CDH22: variants seen among roughly 807,000 people sequenced by gnomAD.
CDH22 encodes cadherin 22.
In CDH22, 30 loss-of-function variants were observed where a neutral mutation model predicts 58.4. The observed-to-expected ratio is 0.51, with a 90% CI of 0.38 to 0.70. The LOEUF is 0.70. CDH22 is among the 30% of genes least tolerant of loss of function. The pLI, the probability that CDH22 is intolerant of heterozygous loss-of-function variation, is 0.00. For missense variants in CDH22, 1,014 were observed against 1,233.9 expected, an observed-to-expected ratio of 0.82 and a Z score of 2.67; for synonymous variants, 513 against 558.2, an observed-to-expected ratio of 0.92 and a Z score of 1.14.
intron 11 of CDH22, among the ~76,000 whole-genome samples, chr20:46,177,323 G>A (rs1469042511): frequency 6.6e-6 from 1 of 152,214 alleles, no homozygotes; most frequent in Non-Finnish European, 1.5e-5. Flanking sequence ...GTTAGCTTCT[G>A]AAACTTGACC....
intron 1 of CDH22, among the ~76,000 whole-genome samples, chr20:46,257,706 G>A (rs1348072540): frequency 1.3e-5 from 2 of 152,198 alleles, no homozygotes; most frequent in African/African-American, 4.8e-5. Context: ...CTGTACCTAT[G>A]GCTAGGAGTT....
chr20:46,206,355 G>C (rs1057505327), intron 7 of CDH22, among the ~76,000 whole-genome samples: 25 of 152,188 alleles, frequency 1.6e-4, no homozygotes, highest in African/African-American at 6.0e-4. Flanking sequence ...AATACCCTCT[G>C]AAGGGTAAAT....
intron 10 of CDH22, among the ~76,000 whole-genome samples, chr20:46,178,865 G>A (rs757178925): frequency 6.6e-6 from 1 of 152,204 alleles, no homozygotes; most frequent in East Asian, 1.9e-4. Flanking sequence ...AGCCTAGAGG[G>A]CTGGGGGCGT....
chr20:46,287,667 G>T (rs187734370), intron 1 of CDH22, among the ~76,000 whole-genome samples: 1 of 151,872 alleles, frequency 6.6e-6, no homozygotes, highest in African/African-American at 2.4e-5. Context: ...GCAGGATCTC[G>T]TGGGCCTTGT....
At chr20:46,205,809 T>G (rs1227384982) in intron 7 of CDH22, among the ~76,000 whole-genome samples, 1 of 152,182 alleles carries the variant, frequency 6.6e-6, no homozygotes, top group Non-Finnish European at 1.5e-5. Context: ...CCCTTGTCCC[T>G]TGTCGTGAGC....
At chr20:46,206,539 G>T (rs568063659) in intron 7 of CDH22, among the ~76,000 whole-genome samples, 4 of 152,254 alleles carry the variant, frequency 2.6e-5, no homozygotes, top group African/African-American at 9.6e-5. Context: ...CGCCAAGCTT[G>T]TTCCTGCCTC....
At chr20:46,217,035 C>T in intron 4 of CDH22, 42 bp from the exon 5 acceptor site, 1 of 1,559,168 alleles carries the variant, frequency 6.4e-7, no homozygotes, top group South Asian at 1.1e-5. Context: ...CCCACACCAC[C>T]TGCCCACTGA....
At chr20:46,246,464 G>T (rs1321249184) in intron 2 of CDH22, among the ~76,000 whole-genome samples, 3 of 152,160 alleles carry the variant, frequency 2.0e-5, no homozygotes, top group African/African-American at 7.2e-5. Context: ...TCCACATCCA[G>T]CTGACAGAGG....
chr20:46,232,789 C>T (rs2086228696), intron 3 of CDH22, among the ~76,000 whole-genome samples: 1 of 152,198 alleles, frequency 6.6e-6, no homozygotes, highest in Admixed American at 6.5e-5. Context: ...CCTCTTCGAT[C>T]ATCACTTAGA....
chr20:46,305,367 C>T (rs1002486225), intron 1 of CDH22, among the ~76,000 whole-genome samples: 3 of 152,190 alleles, frequency 2.0e-5, no homozygotes, highest in Admixed American at 6.5e-5. Context: ...TTGAGGAACC[C>T]GGGGTGGAGG....
Position 46,226,267 on chromosome 20 carries a change from TCTTCTTCTTCTTCTTCTTC to T in CDH22, c.670+1222_670+1240del, listed in dbSNP as rs1251026291. On this transcript the variant is annotated intron_variant, in intron 4 of 11. Transcript: ENST00000537909. ...TTCTTCTTCTTCTTCTTCTTCTTCT[TCTTCTTCTTCTTCTTCTTC>T]TTCTTCTTTTTTTTTTTGAGACAGG... Among the ~76,000 whole-genome samples, 266 of 36,524 alleles carry T rather than the reference TCTTCTTCTTCTTCTTCTTC, an allele frequency of 7.3e-3. 16 individuals are homozygous for T. The highest frequency in any genetic ancestry group is 0.011 in the African/African-American group (98 of 8,586). 24.0% of individuals were successfully genotyped at this position (36,524 alleles called of 152,430 possible). A position where few individuals can be genotyped will look rare whatever the true frequency, so the allele number is the denominator to read the frequency against.
At chr20:46,186,490 A>T in intron 10 of CDH22, 98 bp downstream of exon 10, 1 of 836,788 alleles carries the variant, frequency 1.2e-6, no homozygotes, top group South Asian at 1.6e-5. Flanking sequence ...GATCCAACAT[A>T]GGCCCTGTGG....
At chr20:46,209,038 A>G (rs969527199) in intron 7 of CDH22, among the ~76,000 whole-genome samples, 9 of 152,372 alleles carry the variant, frequency 5.9e-5, no homozygotes, top group Middle Eastern at 6.8e-3. Context: ...TAGGAGAGAC[A>G]AAAAAGGTAA....
intron 8 of CDH22, among the ~76,000 whole-genome samples, chr20:46,190,811 G>A (rs986068569): frequency 2.6e-5 from 4 of 152,146 alleles, no homozygotes; most frequent in African/African-American, 7.2e-5. Flanking sequence ...GGGGTGGCAG[G>A]TGAAGCCCCG....
At chr20:46,191,129 AG>A (rs1465237542) in intron 8 of CDH22, among the ~76,000 whole-genome samples, 1 of 152,138 alleles carries the variant, frequency 6.6e-6, no homozygotes, top group Non-Finnish European at 1.5e-5. Flanking sequence ...GAGGGAAAAA[AG>A]TTAAGGAGCT....
chr20:46,181,748 C>T (rs202097778), intron 10 of CDH22, among the ~76,000 whole-genome samples: 631 of 26,192 alleles, frequency 0.024, 7 homozygotes, highest in Non-Finnish European at 0.034. Context: ...TCCTTCCTTC[C>T]TTCCTTCTTT....
At chr20:46,226,292 C>CTTTT (rs1349617347) in intron 4 of CDH22, among the ~76,000 whole-genome samples, 1 of 105,446 alleles carries the variant, frequency 9.5e-6, no homozygotes, top group African/African-American at 5.1e-5. Context: ...TCTTCTTCTT[C>CTTTT]TTTTTTTTTT....
At chr20:46,282,348 A>T (rs1473471228) in intron 1 of CDH22, among the ~76,000 whole-genome samples, 2 of 152,044 alleles carry the variant, frequency 1.3e-5, no homozygotes, top group Admixed American at 6.6e-5. Flanking sequence ...GTGGGTGGAG[A>T]TGCATGGGGC....
intron 8 of CDH22, among the ~76,000 whole-genome samples, chr20:46,193,500 C>T (rs1001444435): frequency 6.6e-6 from 1 of 152,132 alleles, no homozygotes; most frequent in Non-Finnish European, 1.5e-5. Flanking sequence ...CCCATGAACC[C>T]GAGGGAACAC....
Sources: allele counts gnomAD v4.1 joint callset (sites outside exome capture counted in the v4.1 genomes callset), GRCh38; gene constraint gnomAD v4.1.1; transcripts MANE v1.5; gene names NCBI Gene and HGNC (gene_info 2026-07-23, HGNC 2026-07-21).